Variants in LGR6 observed in about 807,000 individuals in gnomAD.
The protein encoded by LGR6 is leucine rich repeat containing G protein-coupled receptor 6, also known as leucine-rich repeat-containing G protein-coupled receptor 6.
Under a neutral mutation model 69.4 loss-of-function variants are expected in LGR6, and 45 were observed. That is an observed-to-expected ratio of 0.65 (90% confidence interval 0.51 to 0.83). The LOEUF is 0.83. Ranked by LOEUF, LGR6 falls within the 40% of genes least tolerant of loss-of-function variation. The pLI, the probability that LGR6 is intolerant of heterozygous loss-of-function variation, is 0.00. For synonymous variants in LGR6, 538 were observed against 555.0 expected (o/e 0.97, Z 0.43); for missense variants, 1,108 against 1,246.7 (o/e 0.89, Z 1.68).
intron 1 of LGR6, among the ~76,000 whole-genome samples, chr1:202,213,348 A>C (rs1039066251): frequency 6.6e-6 from 1 of 152,034 alleles, no homozygotes; most frequent in Non-Finnish European, 1.5e-5. Context: ...GGGAGGAAGG[A>C]GCTTGGGGCA....
chr1:202,305,597 C>G, intron 11 of LGR6, 87 bp from the exon 12 acceptor site: 3 of 1,141,592 alleles, frequency 2.6e-6, no homozygotes, highest in Non-Finnish European at 4.0e-6. Context: ...GACAGGAAAG[C>G]ACAGTCCTGG....
At chr1:202,202,688 A>T (rs1372160190) in intron 1 of LGR6, among the ~76,000 whole-genome samples, 1 of 152,230 alleles carries the variant, frequency 6.6e-6, no homozygotes, top group East Asian at 1.9e-4. Flanking sequence ...TCTCCCCTTG[A>T]GAGGAGGCAC....
intron 1 of LGR6, among the ~76,000 whole-genome samples, chr1:202,220,850 C>T (rs1344431988): frequency 6.7e-5 from 10 of 150,118 alleles, no homozygotes; most frequent in Non-Finnish European, 1.5e-5. Context: ...TCCTATCAGA[C>T]ACACACACAC....
At chr1:202,301,281 C>G in intron 9 of LGR6, 46 bp downstream of exon 9, 1 of 1,496,758 alleles carries the variant, frequency 6.7e-7, no homozygotes, top group Non-Finnish European at 9.3e-7. Context: ...TTCCCCCTTT[C>G]CTCACTCCTT....
At chr1:202,299,058 G>A (rs1001798348) in intron 7 of LGR6, among the ~76,000 whole-genome samples, 8 of 151,348 alleles carry the variant, frequency 5.3e-5, no homozygotes, top group East Asian at 4.0e-4. Flanking sequence ...TCAGAAGTTC[G>A]AGACCAACCT....
chr1:202,257,504 C>A (rs967820509), intron 4 of LGR6, among the ~76,000 whole-genome samples: 1 of 152,118 alleles, frequency 6.6e-6, no homozygotes, highest in Non-Finnish European at 1.5e-5. Context: ...CAGCTACATT[C>A]TTTTGCATGT....
chr1:202,301,404 C>T (rs561107007), intron 9 of LGR6, among the ~76,000 whole-genome samples, 169 bp downstream of exon 9: 18 of 152,334 alleles, frequency 1.2e-4, no homozygotes, highest in African/African-American at 4.1e-4. Flanking sequence ...CCGTTCCCAC[C>T]TCTTTCTAAA....
intron 16 of LGR6, 126 bp downstream of exon 16, chr1:202,310,483 A>G: frequency 1.1e-6 from 1 of 890,198 alleles, no homozygotes; most frequent in Non-Finnish European, 1.7e-6. Context: ...CAGAGGTGGG[A>G]GGAGCTGCCT....
At chr1:202,199,630 C>T (rs1017007423) in intron 1 of LGR6, among the ~76,000 whole-genome samples, 2 of 148,500 alleles carry the variant, frequency 1.3e-5, no homozygotes, top group East Asian at 2.1e-4. Context: ...GCCCCACATG[C>T]GCTGCAGCCT....
At chr1:202,217,683 C>T (rs1010423176) in intron 1 of LGR6, among the ~76,000 whole-genome samples, 1 of 152,050 alleles carries the variant, frequency 6.6e-6, no homozygotes, top group Non-Finnish European at 1.5e-5. Flanking sequence ...CCACTCCAGG[C>T]ACCCCTCCAG....
At chr1:202,226,865 G>A in intron 2 of LGR6, among the ~76,000 whole-genome samples, 1 of 152,356 alleles carries the variant, frequency 6.6e-6, no homozygotes, top group Admixed American at 6.5e-5. Flanking sequence ...GACAGGGTAA[G>A]AGGCAGTGGA....
intron 1 of LGR6, among the ~76,000 whole-genome samples, chr1:202,210,148 A>C (rs1341703577): frequency 6.6e-6 from 1 of 152,030 alleles, no homozygotes; most frequent in Non-Finnish European, 1.5e-5. Flanking sequence ...ACCTTCCCTA[A>C]TCCCTCAACT....
chr1:202,263,091 C>T (rs865967201), intron 4 of LGR6, among the ~76,000 whole-genome samples: 150 of 152,074 alleles, frequency 9.9e-4, no homozygotes, highest in African/African-American at 3.4e-3. Context: ...ACTTCTACTA[C>T]ACCCTCAATA....
chr1:202,288,374 C>G (rs1306796811), intron 6 of LGR6, among the ~76,000 whole-genome samples: 1 of 152,232 alleles, frequency 6.6e-6, no homozygotes, highest in Non-Finnish European at 1.5e-5. Flanking sequence ...CTGCCCCTTA[C>G]CGCTCCATGA....
At chr1:202,210,438 A>C (rs1425074496) in intron 1 of LGR6, among the ~76,000 whole-genome samples, 15 of 151,664 alleles carry the variant, frequency 9.9e-5, no homozygotes, top group Admixed American at 2.0e-4. Flanking sequence ...GAAAAAAAAA[A>C]AAAAACAAAA....
intron 3 of LGR6, among the ~76,000 whole-genome samples, chr1:202,228,625 A>C (rs1660757386): frequency 6.6e-6 from 1 of 152,132 alleles, no homozygotes; most frequent in East Asian, 1.9e-4. Flanking sequence ...ATTTCAGAGA[A>C]AGGAAGGCTG....
intron 4 of LGR6, among the ~76,000 whole-genome samples, chr1:202,238,612 C>T (rs921402123): frequency 2.7e-5 from 4 of 150,194 alleles, no homozygotes; most frequent in Admixed American, 6.6e-5. Flanking sequence ...TCAGTAGAGA[C>T]GGGGGTTTCA....
chr1:202,317,221 C>T (rs902876504), intron 17 of LGR6, among the ~76,000 whole-genome samples: 4 of 152,190 alleles, frequency 2.6e-5, no homozygotes, highest in African/African-American at 9.7e-5. Flanking sequence ...TTCTGATACC[C>T]TCTCCACTCC....
intron 4 of LGR6, among the ~76,000 whole-genome samples, chr1:202,270,471 A>C (rs1023705505): frequency 1.3e-5 from 2 of 151,794 alleles, no homozygotes; most frequent in Admixed American, 6.6e-5. Context: ...TGAACTCCCG[A>C]ACTCAGGTGA....
Sources: allele counts gnomAD v4.1 joint callset (sites outside exome capture counted in the v4.1 genomes callset), GRCh38; gene constraint gnomAD v4.1.1; transcripts MANE v1.5; gene names NCBI Gene and HGNC (gene_info 2026-07-23, HGNC 2026-07-21).